The following USP32 variants were observed in gnomAD, a reference collection of about 807,000 sequenced individuals.
USP32 encodes ubiquitin specific peptidase 32, also known as ubiquitin carboxyl-terminal hydrolase 32.
USP32 carries 59 observed loss-of-function variants against 204.8 expected under a neutral mutation model. That is an observed-to-expected ratio of 0.29 (90% CI 0.23 to 0.36). USP32 has a LOEUF of 0.36. USP32 is among the 10% of genes least tolerant of loss of function. The pLI, the probability that USP32 is intolerant of heterozygous loss-of-function variation, is 1.00. For missense variants in USP32, 1,160 were observed against 1,946.4 expected (o/e 0.60, Z 7.60); for synonymous variants, 517 against 678.4 (o/e 0.76, Z 3.70).
chr17:60,266,818 C>T (rs1373929573), intron 7 of USP32, among the ~76,000 whole-genome samples: 1 of 151,966 alleles, frequency 6.6e-6, no homozygotes, highest in Non-Finnish European at 1.5e-5. Flanking sequence ...CCATGCCTGG[C>T]TAAGTTTTTG....
intron 2 of USP32, among the ~76,000 whole-genome samples, chr17:60,330,033 A>T (rs988919115): frequency 1.3e-5 from 2 of 152,196 alleles, no homozygotes; most frequent in Non-Finnish European, 1.5e-5. Context: ...TCTGGGTTGT[A>T]ACTCCCTTTC....
chr17:60,285,561 C>T (rs2087089960), intron 5 of USP32, among the ~76,000 whole-genome samples: 2 of 152,046 alleles, frequency 1.3e-5, no homozygotes, highest in Non-Finnish European at 2.9e-5. Flanking sequence ...TACTGCAGAC[C>T]CCCTCTGCCG....
At chr17:60,240,068 T>C (rs972101874) in intron 11 of USP32, among the ~76,000 whole-genome samples, 12 of 152,210 alleles carry the variant, frequency 7.9e-5, no homozygotes. Context: ...TTGTTGTCCA[T>C]CACCTCCATT....
intron 1 of USP32, among the ~76,000 whole-genome samples, chr17:60,400,417 C>A (rs1598317701): frequency 6.6e-6 from 1 of 152,064 alleles, no homozygotes; most frequent in African/African-American, 2.4e-5. Context: ...GGTTAGATCC[C>A]AGATATTATT....
chr17:60,216,291 C>CAAA (rs4047751), intron 16 of USP32, among the ~76,000 whole-genome samples: 1 of 112,490 alleles, frequency 8.9e-6, no homozygotes. Context: ...AGAGAGGTGG[C>CAAA]AAAAAAAAAA....
chr17:60,252,482 TA>T, intron 10 of USP32, 40 bp from the exon 11 acceptor site: 1 of 1,499,734 alleles, frequency 6.7e-7, no homozygotes, highest in South Asian at 1.2e-5. Context: ...ATTAACTGCA[TA>T]ATATTTCACA....
intron 4 of USP32, among the ~76,000 whole-genome samples, chr17:60,289,171 C>T (rs2087203118): frequency 6.6e-6 from 1 of 152,082 alleles, no homozygotes; most frequent in African/African-American, 2.4e-5. Flanking sequence ...CCACGCCCGG[C>T]TAATTTTTTG....
intron 12 of USP32, among the ~76,000 whole-genome samples, chr17:60,230,616 ACTG>A (rs2085520547): frequency 6.6e-6 from 1 of 152,062 alleles, no homozygotes; most frequent in Non-Finnish European, 1.5e-5. Flanking sequence ...AACAAACTAG[ACTG>A]GTCTGTCTTC....
chr17:60,385,798 C>T (rs1482752047), intron 1 of USP32, among the ~76,000 whole-genome samples: 2 of 149,754 alleles, frequency 1.3e-5, no homozygotes, highest in Non-Finnish European at 3.0e-5. Context: ...GCCAAGATCA[C>T]GCCACTTGCA....
At chr17:60,371,741 A>G (rs6503961) in intron 1 of USP32, among the ~76,000 whole-genome samples, 21,251 of 152,102 alleles carry the variant, frequency 0.14, 3,209 homozygotes, top group African/African-American at 0.37. Flanking sequence ...CCAGTCCTGC[A>G]AGCTCCTTTC....
At chr17:60,250,937 T>C (rs2145704818) in intron 11 of USP32, among the ~76,000 whole-genome samples, 1 of 151,978 alleles carries the variant, frequency 6.6e-6, no homozygotes, top group East Asian at 1.9e-4. Flanking sequence ...CACCCATTTA[T>C]TCCTTTCTTT....
chr17:60,413,795 GC>G (rs1310355884), intron 1 of USP32, among the ~76,000 whole-genome samples: 1 of 150,408 alleles, frequency 6.6e-6, no homozygotes, highest in African/African-American at 2.5e-5. Context: ...AACCCAGGAG[GC>G]GGAGGTTGCA....
intron 33 of USP32, among the ~76,000 whole-genome samples, chr17:60,179,849 T>G (rs1242866550): frequency 6.6e-6 from 1 of 151,656 alleles, no homozygotes; most frequent in Non-Finnish European, 1.5e-5. Flanking sequence ...TTTTTGTACT[T>G]TTAGTAAAGG....
chr17:60,406,182 T>G (rs2089974483), intron 1 of USP32, among the ~76,000 whole-genome samples: 3 of 149,858 alleles, frequency 2.0e-5, no homozygotes, highest in Non-Finnish European at 3.0e-5. Flanking sequence ...AAAAAAAGCT[T>G]ATTATTCTGA....
intron 1 of USP32, among the ~76,000 whole-genome samples, chr17:60,406,239 G>A (rs1025243021): frequency 1.3e-4 from 20 of 151,248 alleles, no homozygotes; most frequent in Admixed American, 5.3e-4. Context: ...GTCATCCAGG[G>A]ACCATCTCAG....
intron 1 of USP32, among the ~76,000 whole-genome samples, chr17:60,405,768 A>G (rs935302906): frequency 3.9e-5 from 6 of 152,216 alleles, no homozygotes; most frequent in African/African-American, 1.4e-4. Context: ...GTCTCAAAAC[A>G]TAAAATAAAA....
intron 1 of USP32, among the ~76,000 whole-genome samples, chr17:60,402,685 T>C (rs904626242): frequency 5.9e-5 from 9 of 152,196 alleles, no homozygotes; most frequent in Non-Finnish European, 1.2e-4. Context: ...AAGAAATTAT[T>C]CCAAACACTG....
intron 1 of USP32, among the ~76,000 whole-genome samples, chr17:60,406,558 C>T (rs2089977743): frequency 6.6e-6 from 1 of 151,414 alleles, no homozygotes; most frequent in South Asian, 2.1e-4. Flanking sequence ...CTCTGTCACC[C>T]AGGCTGGAGT....
At chr17:60,351,350 T>G (rs767632156) in intron 1 of USP32, among the ~76,000 whole-genome samples, 4 of 151,794 alleles carry the variant, frequency 2.6e-5, no homozygotes, top group Non-Finnish European at 4.4e-5. Flanking sequence ...CATGCACCAC[T>G]ATGTCAGGCC....
Sources: gnomAD v4.1 joint callset for allele counts (sites outside exome capture counted in the v4.1 genomes callset) on GRCh38, gnomAD v4.1.1 for gene constraint, MANE v1.5 for transcripts, NCBI Gene and HGNC (gene_info 2026-07-23, HGNC 2026-07-21) for gene names.